Variants in LPCAT1 observed in about 807,000 individuals in gnomAD.
LPCAT1 encodes lysophosphatidylcholine acyltransferase 1.
In LPCAT1, 23 loss-of-function variants were observed where a neutral mutation model predicts 60.9. The observed-to-expected ratio is 0.38, with a 90% CI of 0.27 to 0.53. LPCAT1 has a LOEUF of 0.53. Ranked by LOEUF, LPCAT1 falls within the 20% of genes least tolerant of loss-of-function variation. The probability of loss-of-function intolerance (pLI) is 0.82; values close to 1 mark genes in which losing one functional copy is unlikely to be tolerated. For synonymous variants in LPCAT1, 340 were observed against 301.1 expected (o/e 1.13, Z -1.34); for missense variants, 622 against 723.6 (o/e 0.86, Z 1.61).
chr5:1,490,704 C>T (rs1466851261), intron 3 of LPCAT1, among the ~76,000 whole-genome samples: 2 of 152,232 alleles, frequency 1.3e-5, no homozygotes. Context: ...GACACCCCGC[C>T]ATGAAGGCTG....
chr5:1,486,114 C>T (rs893167517), intron 5 of LPCAT1, among the ~76,000 whole-genome samples: 2 of 152,196 alleles, frequency 1.3e-5, no homozygotes, highest in Admixed American at 6.5e-5. Flanking sequence ...CTAGTGCCCT[C>T]TGACAAGGAG....
rs1735420301 is a variant in LPCAT1 at position 1,487,634 on chromosome 5, C to T, written c.667+757G>A. Among the ~76,000 whole-genome samples the T allele has an allele frequency of 6.6e-6, 1 of 152,074 alleles. No homozygotes were observed. The highest frequency in any genetic ancestry group is 2.1e-4 in the South Asian group (1 of 4,810). On this transcript the variant is annotated intron_variant, in intron 5 of 13. Transcript: ENST00000283415. This position sits in a 1 kb window ranked among gnomAD's most constrained non-coding sequence, Gnocchi z 6.1. ...GCACGGCAGCCGGTGCCAGTGTGAG[C>T]GAGGAACTGGCTTTTCCACGTGACT...
chr5:1,468,971 G>C (rs1734554833), intron 12 of LPCAT1, among the ~76,000 whole-genome samples: 1 of 152,238 alleles, frequency 6.6e-6, no homozygotes, highest in African/African-American at 2.4e-5. Context: ...AAGCACAATG[G>C]CCATGACTTC....
At position 1,495,330 on chromosome 5, in the gene LPCAT1, TGG is replaced by T. The variant is rs10708465; in HGVS notation, c.279-418_279-417del. 0.064 allele frequency among the ~76,000 whole-genome samples: 9,060 copies of T among 140,612 alleles called. 316 individuals carry two copies. The highest frequency in any genetic ancestry group is 0.09 in the South Asian group (394 of 4,392). 92.2% of individuals were successfully genotyped at this position (140,612 alleles called of 152,430 possible). A position where few individuals can be genotyped will look rare whatever the true frequency, so the allele number is the denominator to read the frequency against. On this transcript the variant is annotated intron_variant, in intron 2 of 13. Transcript: ENST00000283415. This position sits in a 1 kb window ranked among gnomAD's most constrained non-coding sequence, Gnocchi z 4.7. ...AACACCTAAAACGCATATCGCAATA[TGG>T]GGGGGGGGGCGCTCAGAGCTGAGGG...
At chr5:1,491,295 C>T (rs1004660099) in intron 3 of LPCAT1, among the ~76,000 whole-genome samples, 14 of 100,896 alleles carry the variant, frequency 1.4e-4, no homozygotes, top group Non-Finnish European at 2.4e-4. Flanking sequence ...CGTGGTCTTT[C>T]GGTGCCCACT....
At position 1,496,659 on chromosome 5, in the gene LPCAT1, C is replaced by T. The variant is rs559355630; in HGVS notation, c.279-1745G>A. The stretch of plus-strand genomic sequence containing the variant: ...CCCGAAATCGAATTGCAGGGACAGA[C>T]GGTGCTCAGGGGAACTGTACTGGGT... On this transcript the variant is annotated intron_variant, in intron 2 of 13. Coordinates refer to ENST00000283415, the MANE Select transcript of LPCAT1 (RefSeq NM_024830.5). This position sits in a 1 kb window ranked among gnomAD's most constrained non-coding sequence, Gnocchi z 4.7. Among the ~76,000 whole-genome samples the T allele has an allele frequency of 6.6e-5, 10 of 152,218 alleles. No individual in the cohort carries two copies. The South Asian group carries it at 1.0e-3, about 16-fold the overall frequency.
chr5:1,498,733 T>G (rs771216652), intron 2 of LPCAT1, among the ~76,000 whole-genome samples: 1 of 151,986 alleles, frequency 6.6e-6, no homozygotes, highest in African/African-American at 2.4e-5. Context: ...CATCCACACA[T>G]ATATACATGC....
chr5:1,510,488 C>G (rs1736323817), intron 1 of LPCAT1, among the ~76,000 whole-genome samples: 1 of 152,228 alleles, frequency 6.6e-6, no homozygotes, highest in Non-Finnish European at 1.5e-5. Context: ...CGCAGTCCCA[C>G]AGCACAGTGA....
intron 5 of LPCAT1, among the ~76,000 whole-genome samples, chr5:1,485,862 G>C (rs1392808769): frequency 1.3e-5 from 2 of 152,218 alleles, no homozygotes; most frequent in African/African-American, 2.4e-5. Context: ...GTGCAGGGAG[G>C]CCACTGTGGC....
At position 1,480,824 on chromosome 5, in the gene LPCAT1, C is replaced by T. The variant is rs1025913288; in HGVS notation, c.761+118G>A. The T allele has an allele frequency of 1.6e-6, 2 of 1,225,172 alleles. No individual in the cohort carries two copies. Among genetic ancestry groups the T allele is most frequent in the Non-Finnish European group, 2.4e-6 (2 of 827,930 alleles). The allele number at this position is 1,225,172 out of a possible 1,614,324, so 75.9% of individuals were successfully genotyped here. A position where few individuals can be genotyped will look rare whatever the true frequency, so the allele number is the denominator to read the frequency against. On this transcript the variant is annotated intron_variant, in intron 7 of 13. Coordinates refer to ENST00000283415, the MANE Select transcript of LPCAT1 (RefSeq NM_024830.5). This position sits in a 1 kb window ranked among gnomAD's most constrained non-coding sequence, Gnocchi z 6.4. ...TTTCACAATGGGCTGAACCTAACGG[C>T]TGTCCCACACCTGCTTTCACAACTG...
chr5:1,505,652 G>A (rs967659034), intron 1 of LPCAT1, among the ~76,000 whole-genome samples: 3 of 152,198 alleles, frequency 2.0e-5, no homozygotes, highest in Admixed American at 6.5e-5. Flanking sequence ...GTGACCCTCG[G>A]CTCGCGCACC....
rs535914483 is a variant in LPCAT1 at position 1,463,503 on chromosome 5, C to T, written c.*148G>A. 742 of 795,880 alleles carry T rather than the reference C, an allele frequency of 9.3e-4. 4 individuals are homozygous for T. The highest frequency in any genetic ancestry group is 9.4e-5 in the Non-Finnish European group (48 of 511,206). 49.3% of individuals were successfully genotyped at this position (795,880 alleles called of 1,614,324 possible). A position where few individuals can be genotyped will look rare whatever the true frequency, so the allele number is the denominator to read the frequency against. ...ACACACTTCACAAAGGAACAAGATA[C>T]AAACAGCCCCCGAGGCCCCTGGAAC... On this transcript the variant is annotated 3_prime_UTR_variant, in exon 14 of 14. Coordinates refer to ENST00000283415, the MANE Select transcript of LPCAT1 (RefSeq NM_024830.5).
At chr5:1,467,822 C>G (rs1279399895) in intron 12 of LPCAT1, among the ~76,000 whole-genome samples, 11 of 152,188 alleles carry the variant, frequency 7.2e-5, no homozygotes, top group Non-Finnish European at 7.3e-5. Context: ...GCCAGCTCTT[C>G]TACCTGGTTC....
intron 8 of LPCAT1, among the ~76,000 whole-genome samples, chr5:1,478,729 T>G (rs959008740): frequency 6.6e-6 from 1 of 152,292 alleles, no homozygotes; most frequent in Admixed American, 6.5e-5. Flanking sequence ...CTCTCCAATA[T>G]TTACTGGAAG....
intron 1 of LPCAT1, among the ~76,000 whole-genome samples, chr5:1,505,484 C>A (rs562137711): frequency 2.0e-5 from 3 of 152,280 alleles, no homozygotes; most frequent in Non-Finnish European, 4.4e-5. Flanking sequence ...AGCTCCGGGG[C>A]TGGGGGAGCA....
intron 11 of LPCAT1, among the ~76,000 whole-genome samples, chr5:1,472,038 A>G (rs60357766): frequency 5.2e-3 from 57 of 11,056 alleles, no homozygotes; most frequent in East Asian, 0.024. Flanking sequence ...CTGGTCAGAG[A>G]GCAGGAGGAA....
In LPCAT1 at chr5:1,464,693, C is replaced by T. The variant is rs530474562; in HGVS notation, c.1421-858G>A. 2.6e-4 allele frequency among the ~76,000 whole-genome samples: 37 copies of T among 141,030 alleles called. No individual in the cohort carries two copies. The East Asian group carries it at 4.0e-3, about 15-fold the overall frequency. 92.5% of individuals were successfully genotyped at this position (141,030 alleles called of 152,430 possible). On this transcript the variant is annotated intron_variant, in intron 13 of 13. Coordinates refer to ENST00000283415, the MANE Select transcript of LPCAT1 (RefSeq NM_024830.5). ...CACACACACGGTAAACAAACACATGCGTGCACACACACAAAGAGCACACAC... is the reference window on the plus strand; with the variant it reads ...CACACACACGGTAAACAAACACATGTGTGCACACACACAAAGAGCACACAC...
rs1439027904 is a variant in LPCAT1, at chr5:1,476,249, G to C, written c.899+1155C>G. Reference sequence around the variant, plus strand: ...GCACAGGTGCTGGGCTTGGAGGTGGGAATGCATTCCCCTGGCTCGGCGCCT... The same window carrying C: ...GCACAGGTGCTGGGCTTGGAGGTGGCAATGCATTCCCCTGGCTCGGCGCCT... On this transcript the variant is annotated intron_variant, in intron 9 of 13. Transcript: ENST00000283415. This position sits in a 1 kb window ranked among gnomAD's most constrained non-coding sequence, Gnocchi z 8.6. Among the ~76,000 whole-genome samples, 1 of 152,128 alleles carries C rather than the reference G, an allele frequency of 6.6e-6. No homozygotes were observed. The highest frequency in any genetic ancestry group is 1.9e-4 in the East Asian group (1 of 5,186).
rs534944356 is a variant in LPCAT1 at position 1,468,741 on chromosome 5, C to T, written c.1279-1851G>A. On this transcript the variant is annotated intron_variant, in intron 12 of 13. Transcript: ENST00000283415. The stretch of plus-strand genomic sequence containing the variant: ...GCGTATGAAGCACATCGGTGCGCTG[C>T]GCATCCGGAGTCCTGAGCACCGGCG... 2.6e-5 allele frequency among the ~76,000 whole-genome samples: 4 copies of T among 152,360 alleles called. No individual in the cohort carries two copies. The East Asian group carries it at 5.8e-4, about 22-fold the overall frequency.
Sources: allele counts gnomAD v4.1 joint callset (sites outside exome capture counted in the v4.1 genomes callset), GRCh38; gene constraint gnomAD v4.1.1; non-coding constraint Gnocchi (gnomAD v3.1); transcripts MANE v1.5; gene names NCBI Gene and HGNC (gene_info 2026-07-23, HGNC 2026-07-21).